Variants in ZNF106 observed in about 807,000 individuals in gnomAD.
The protein encoded by ZNF106 is zinc finger protein 106.
Under a neutral mutation model 195.1 loss-of-function variants are expected in ZNF106, and 67 were observed. The ratio of observed to expected loss-of-function variants is 0.34; its 90% CI spans 0.28 to 0.42. The LOEUF is 0.42. Ranked by LOEUF, ZNF106 falls within the 10% of genes least tolerant of loss-of-function variation. The pLI is 1.00. For missense variants in ZNF106, 2,118 were observed against 2,304.5 expected (o/e 0.92, Z 1.66); for synonymous variants, 784 against 818.6 (o/e 0.96, Z 0.72).
chr15:42,487,936 A>G (rs1433446007), intron 1 of ZNF106, among the ~76,000 whole-genome samples: 1 of 152,120 alleles, frequency 6.6e-6, no homozygotes, highest in East Asian at 1.9e-4. Flanking sequence ...TCAATACCAA[A>G]ATCTGAGAAT....
chr15:42,426,398 A>T (rs1426892106), intron 15 of ZNF106, among the ~76,000 whole-genome samples: 1 of 140,428 alleles, frequency 7.1e-6, no homozygotes, highest in Non-Finnish European at 1.6e-5. Context: ...TCTACTACTT[A>T]AAAAAAAAAA....
intron 1 of ZNF106, among the ~76,000 whole-genome samples, chr15:42,488,058 C>A (rs2057055312): frequency 6.6e-6 from 1 of 152,166 alleles, no homozygotes; most frequent in South Asian, 2.1e-4. Flanking sequence ...AATGCCTACA[C>A]ATAACTTCAT....
At chr15:42,435,899 C>T (rs554719869) in intron 13 of ZNF106, among the ~76,000 whole-genome samples, 8 of 152,046 alleles carry the variant, frequency 5.3e-5, no homozygotes, top group African/African-American at 1.7e-4. Flanking sequence ...TGTGAGAATG[C>T]ACCATGGTAT....
Position 42,450,301 on chromosome 15 carries a change from A to C in ZNF106, c.1971T>G (p.Thr657=), listed in dbSNP as rs764445983. ...EKEEDDRILK[T]SRELSTSPCN... ...ATGGGGAAGTGGATAGCTCTCTAGA[A>C]GTCTTCAGGATGCGGTCATCCTCCT... The change falls in exon 5 of 22, where the codon ACT becomes ACG. Residue 657 remains threonine (T), a synonymous_variant. Coordinates refer to ENST00000564754, the MANE Select transcript of ZNF106 (RefSeq NM_001366845.3). 1 of 1,614,168 alleles carries C rather than the reference A, an allele frequency of 6.2e-7. No individual in the cohort carries two copies. Among genetic ancestry groups the C allele is most frequent in the East Asian group, 2.2e-5 (1 of 44,884 alleles).
At position 42,469,081 on chromosome 15, in the gene ZNF106, A is replaced by T. The variant is rs1253735952; in HGVS notation, c.55-2967T>A. On this transcript the variant is annotated intron_variant, in intron 2 of 21. Transcript: ENST00000564754. ...ATGCCTGTAATCCCAGCTACTCAGGAGGCTGAAGCAGGAGGATCACTTGAA... is the reference window on the plus strand; with the variant it reads ...ATGCCTGTAATCCCAGCTACTCAGGTGGCTGAAGCAGGAGGATCACTTGAA... 2.0e-5 allele frequency among the ~76,000 whole-genome samples: 3 copies of T among 151,956 alleles called. No homozygotes were observed. The East Asian group carries it at 5.8e-4, about 30-fold the overall frequency.
Position 42,437,391 on chromosome 15 carries a change from A to G in ZNF106, c.4601-14T>C, listed in dbSNP as rs1163674743. Reference sequence around the variant, plus strand: ...CTGAAGATATTTCTGGAAAACAAGAATAGGTTTCAGAGACATGTCTGCTAG... The same window carrying G: ...CTGAAGATATTTCTGGAAAACAAGAGTAGGTTTCAGAGACATGTCTGCTAG... On this transcript the variant is annotated splice_polypyrimidine_tract_variant and intron_variant, in intron 12 of 21. Coordinates refer to ENST00000564754, the MANE Select transcript of ZNF106 (RefSeq NM_001366845.3). The G allele has an allele frequency of 1.2e-6, 2 of 1,612,990 alleles. No individual in the cohort carries two copies. The highest frequency in any genetic ancestry group is 1.1e-5 in the South Asian group (1 of 90,910).
In ZNF106 at chr15:42,421,930, A is replaced by G; in HGVS notation, c.5432T>C (p.Ile1811Thr). ...GHKDMIMCMT[I>T]HKSMIYTGCY... The stretch of plus-strand genomic sequence containing the variant: ...AATAACACTCACCATGCTTTTATGG[A>G]TGGTCATACACATAATCATGTCTTT... Residue 1811 changes from isoleucine to threonine, a missense_variant, in exon 19 of 22, where the codon ATC (isoleucine) becomes ACC (threonine). Ile to Thr is a moderately conservative substitution (Grantham distance 89). Coordinates refer to ENST00000564754, the MANE Select transcript of ZNF106 (RefSeq NM_001366845.3). 1 of 1,560,966 alleles carries G rather than the reference A, an allele frequency of 6.4e-7. No homozygotes were observed. Among genetic ancestry groups the G allele is most frequent in the Non-Finnish European group, 8.7e-7 (1 of 1,146,526 alleles).
intron 1 of ZNF106, among the ~76,000 whole-genome samples, chr15:42,485,716 G>C (rs1273122956): frequency 6.6e-6 from 1 of 152,150 alleles, no homozygotes; most frequent in Non-Finnish European, 1.5e-5. Flanking sequence ...GAAAATAAAA[G>C]AGTGGATAAA....
At chr15:42,469,409 A>C (rs2056612263) in intron 2 of ZNF106, among the ~76,000 whole-genome samples, 1 of 152,160 alleles carries the variant, frequency 6.6e-6, no homozygotes, top group African/African-American at 2.4e-5. Flanking sequence ...ATCACCCACT[A>C]ATAGTTTTAA....
chr15:42,433,096 A>G (rs1567001982), intron 14 of ZNF106, among the ~76,000 whole-genome samples: 1 of 151,774 alleles, frequency 6.6e-6, no homozygotes, highest in Non-Finnish European at 1.5e-5. Flanking sequence ...TGTATTAAGT[A>G]TATTTTTATT....
rs554113088 is a variant in ZNF106, at chr15:42,424,911, T to C, written c.5113A>G (p.Ile1705Val). ...LLVVGSYDCT[I>V]SVRDARNGLL... ...CCATTCCGGGCATCGCGTACACTAA[T>C]TGTGCAGTCATAAGACCCCACGACC... The change falls in exon 16 of 22, where the codon ATT (isoleucine) becomes GTT (valine). Residue 1705 changes from isoleucine to valine, a missense_variant. By Grantham distance (29) the Ile-to-Val change is conservative (BLOSUM62 3). Transcript: ENST00000564754. 3 of 1,614,188 alleles carry C rather than the reference T, an allele frequency of 1.9e-6. No homozygotes were observed. Among genetic ancestry groups the C allele is most frequent in the African/African-American group, 2.7e-5 (2 of 75,040 alleles).
intron 3 of ZNF106, among the ~76,000 whole-genome samples, chr15:42,460,712 T>C (rs954699244): frequency 4.6e-5 from 7 of 152,000 alleles, no homozygotes; most frequent in African/African-American, 1.7e-4. Flanking sequence ...AATACAAAAT[T>C]AGCCGGGTGT....
intron 3 of ZNF106, among the ~76,000 whole-genome samples, chr15:42,460,881 C>T (rs897666819): frequency 6.8e-6 from 1 of 147,562 alleles, no homozygotes; most frequent in Admixed American, 6.7e-5. Flanking sequence ...AAAAAATTAA[C>T]ACTAAAAATA....
Position 42,439,056 on chromosome 15 carries a change from G to A in ZNF106, c.4521C>T (p.Arg1507=), listed in dbSNP as rs770396386. 7 of 1,613,692 alleles carry A rather than the reference G, an allele frequency of 4.3e-6. No individual in the cohort carries two copies. The Admixed American group carries it at 5.0e-5, about 12-fold the overall frequency. The change falls in exon 11 of 22, where the codon CGC becomes CGT. Residue 1507 remains arginine (R), a synonymous_variant. Coordinates refer to ENST00000564754, the MANE Select transcript of ZNF106 (RefSeq NM_001366845.3). ...EVSSTSEIGT[R]YKDGIPVSVA... ...ACCTTACAGGGATGCCATCTTTATA[G>A]CGAGTGCCAATTTCACTGGTAGAGC...
In ZNF106 at chr15:42,449,841, T is replaced by G. The variant is rs764086150; in HGVS notation, c.2431A>C (p.Asn811His). The change falls in exon 5 of 22, where the codon AAT (asparagine) becomes CAT (histidine). Residue 811 changes from asparagine (N) to histidine (H), a missense_variant. Physicochemically the swap from Asn to His is moderately conservative, Grantham distance 68. Transcript: ENST00000564754. Reference protein sequence around the residue: ...LRQILNASRRNVNWEQVIQQV... With the variant: ...LRQILNASRRHVNWEQVIQQV... Reference sequence around the variant, plus strand: ...TGAATGACCTGTTCCCAGTTGACATTTCTCCGAGATGCATTTAGAATCTGC... The same window carrying G: ...TGAATGACCTGTTCCCAGTTGACATGTCTCCGAGATGCATTTAGAATCTGC... 6.2e-7 allele frequency: 1 copy of G among 1,614,066 alleles called. No individual in the cohort carries two copies. Among genetic ancestry groups the G allele is most frequent in the African/African-American group, 1.3e-5 (1 of 74,930 alleles).
At chr15:42,438,277 G>C (rs2055361894) in intron 12 of ZNF106, among the ~76,000 whole-genome samples, 2 of 152,168 alleles carry the variant, frequency 1.3e-5, no homozygotes, top group African/African-American at 2.4e-5. Flanking sequence ...TGTGGTCCCA[G>C]CTATTTGGGA....
rs573886693 is a variant in ZNF106 at position 42,448,629 on chromosome 15, T to G, written c.2578A>C (p.Ser860Arg). 189 of 1,613,952 alleles carry G rather than the reference T, an allele frequency of 1.2e-4. 3 individuals carry two copies. In the South Asian group the frequency reaches 1.9e-3, roughly 16 times the overall value. Reference protein sequence around the residue: ...LDLDGEPDLSSLEGFQWEGVS... With the variant: ...LDLDGEPDLSRLEGFQWEGVS... ...CCTTCCCACTGGAATCCTTCTAGACTGGACAGATCAGGTTCCCCATCCAAA... is the reference window on the plus strand; with the variant it reads ...CCTTCCCACTGGAATCCTTCTAGACGGGACAGATCAGGTTCCCCATCCAAA... The change falls in exon 6 of 22, where the codon AGT becomes CGT. Residue 860 changes from serine to arginine, a missense_variant. Transcript: ENST00000564754.
At position 42,417,520 on chromosome 15, in the gene ZNF106, T is replaced by C. The variant is rs961742583; in HGVS notation, c.5665-160A>G. On this transcript the variant is annotated intron_variant, in intron 21 of 21. Coordinates refer to ENST00000564754, the MANE Select transcript of ZNF106 (RefSeq NM_001366845.3). ...GCTAACTTACGTGAAACCATGTACTTAAAGGTGAGCTGTTGTCTCAGCACA... is the reference window on the plus strand; with the variant it reads ...GCTAACTTACGTGAAACCATGTACTCAAAGGTGAGCTGTTGTCTCAGCACA... Among the ~76,000 whole-genome samples the C allele has an allele frequency of 5.9e-5, 9 of 152,280 alleles. No homozygotes were observed. In the East Asian group the frequency reaches 1.7e-3, roughly 29 times the overall value.
chr15:42,437,429 T>A, intron 12 of ZNF106, 52 bp from the exon 13 acceptor site: 2 of 1,590,458 alleles, frequency 1.3e-6, no homozygotes, highest in Admixed American at 1.8e-5. Flanking sequence ...TCTGAAAAGA[T>A]ACTCAAAAAT....
Sources: gnomAD v4.1 joint callset for allele counts (sites outside exome capture counted in the v4.1 genomes callset) on GRCh38, gnomAD v4.1.1 for gene constraint, MANE v1.5 for transcripts, NCBI Gene and HGNC (gene_info 2026-07-23, HGNC 2026-07-21) for gene names.